GRK6: variants seen among roughly 807,000 people sequenced by gnomAD.
GRK6 encodes G protein-coupled receptor kinase 6.
In GRK6, 37 loss-of-function variants were observed where a neutral mutation model predicts 80.8. The observed-to-expected ratio is 0.46, with a 90% confidence interval of 0.35 to 0.60. The LOEUF is 0.60. Ranked by LOEUF, GRK6 falls within the 20% of genes least tolerant of loss-of-function variation. The pLI, the probability that GRK6 is intolerant of heterozygous loss-of-function variation, is 0.00. For missense variants in GRK6, 560 were observed against 784.6 expected, an observed-to-expected ratio of 0.71 and a Z score of 3.42; for synonymous variants, 295 against 320.9, an observed-to-expected ratio of 0.92 and a Z score of 0.86.
rs779697632 is a variant in GRK6 at position 177,430,022 on chromosome 5, T to A, written c.53-850T>A. On this transcript the variant is annotated intron_variant, in intron 1 of 15. Coordinates refer to ENST00000355472, the MANE Select transcript of GRK6 (RefSeq NM_001004106.3). ...ACACATTTTATTTGGCTGCAGTGAG[T>A]TTTTTTTTTTTTTTAAACAAAATGG... Among the ~76,000 whole-genome samples, 206 of 37,198 alleles carry A rather than the reference T, an allele frequency of 5.5e-3. 2 individuals carry two copies. Among genetic ancestry groups the A allele is most frequent in the African/African-American group, 0.022 (185 of 8,332 alleles). 24.4% of individuals were successfully genotyped at this position (37,198 alleles called of 152,430 possible).
intron 2 of GRK6, chr5:177,431,637 G>A: frequency 3.4e-6 from 1 of 290,268 alleles, no homozygotes; most frequent in Non-Finnish European, 6.6e-6. Flanking sequence ...AGCAGGTGTG[G>A]GCCTGGCCCC....
At position 177,428,037 on chromosome 5, in the gene GRK6, G is replaced by T. The variant is rs574385351; in HGVS notation, c.52+1140G>T. 6.6e-6 allele frequency among the ~76,000 whole-genome samples: 1 copy of T among 152,214 alleles called. No homozygotes were observed. Among genetic ancestry groups the T allele is most frequent in the Non-Finnish European group, 1.5e-5 (1 of 68,030 alleles). ...AGCTGGGTGCTACACCTGGCACCCC[G>T]TGCCCACCAAGTGCTCTGGCGAGGT... On this transcript the variant is annotated intron_variant, in intron 1 of 15. Coordinates refer to ENST00000355472, the MANE Select transcript of GRK6 (RefSeq NM_001004106.3). The surrounding 1 kb of genome is among the most constrained non-coding windows in gnomAD (Gnocchi z 4.1).
At chr5:177,435,194 C>G (rs1764088577) in intron 11 of GRK6, 73 bp downstream of exon 11, 3 of 1,115,400 alleles carry the variant, frequency 2.7e-6, no homozygotes, top group Non-Finnish European at 3.9e-6. Context: ...ACACCCACTT[C>G]TGTCTGGGAG....
intron 2 of GRK6, 82 bp downstream of exon 2, chr5:177,431,049 G>T: frequency 9.1e-7 from 1 of 1,104,246 alleles, no homozygotes; most frequent in South Asian, 1.4e-5. Context: ...ACCTTGCCCC[G>T]GAGCAGAGGG....
In GRK6 at chr5:177,433,946, C is replaced by A. The variant is rs966033174; in HGVS notation, c.771C>A (p.Asp257Glu). The change falls in exon 9 of 16, where the codon GAC (aspartate) becomes GAA (glutamate). Residue 257 changes from aspartate to glutamate, a missense_variant. Physicochemically the swap from Asp to Glu is conservative, Grantham distance 45. This residue lies in a region of GRK6 where 77 missense variants were observed against 156.9 expected (regional missense o/e 0.49). Coordinates refer to ENST00000355472, the MANE Select transcript of GRK6 (RefSeq NM_001004106.3). ...TGGCCTACGCCTATGAGACCAAGGA[C>A]GCGCTGTGCCTGGTGCTGACACTGA... ...VSLAYAYETK[D>E]ALCLVLTLMN... The A allele has an allele frequency of 1.2e-6, 2 of 1,601,800 alleles. No homozygotes were observed. The highest frequency in any genetic ancestry group is 1.7e-5 in the Admixed American group (1 of 59,004).
rs1467864998 is a variant in GRK6, at chr5:177,440,819, C to T, written c.1524C>T (p.Pro508=). Residue 508 remains proline, a synonymous_variant, in exon 14 of 16, where the codon CCC becomes CCT. Coordinates refer to ENST00000355472, the MANE Select transcript of GRK6 (RefSeq NM_001004106.3). ...FYQKFATGSV[P]IPWQNEMVET... The stretch of plus-strand genomic sequence containing the variant: ...AGAAGTTTGCCACAGGCAGTGTGCC[C>T]ATCCCCTGGCAGAACGAGGTGGGGG... The T allele has an allele frequency of 6.2e-7, 1 of 1,613,970 alleles. No homozygotes were observed. The highest frequency in any genetic ancestry group is 8.5e-7 in the Non-Finnish European group (1 of 1,180,028).
In GRK6 at chr5:177,433,670, G is replaced by A. The variant is rs1428963475; in HGVS notation, c.732G>A (p.Arg244=). ...AGATCCTGGAGAAAGTGAACAGTAG[G>A]TTTGTAGTAAGTACAGAAGGAGACT... ...EKQILEKVNS[R]FVVSLAYAYE... is the part of the protein sequence containing the mutation. Residue 244 remains arginine (R), a synonymous_variant, in exon 8 of 16, where the codon AGG becomes AGA. Coordinates refer to ENST00000355472, the MANE Select transcript of GRK6 (RefSeq NM_001004106.3). 1 of 1,614,066 alleles carries A rather than the reference G, an allele frequency of 6.2e-7. No individual in the cohort carries two copies. The highest frequency in any genetic ancestry group is 8.5e-7 in the Non-Finnish European group (1 of 1,180,004).
intron 1 of GRK6, 121 bp downstream of exon 1, chr5:177,427,018 C>T: frequency 2.2e-6 from 1 of 461,066 alleles, no homozygotes; most frequent in Non-Finnish European, 3.3e-6. Context: ...CGCCTTACAC[C>T]CCGCCCAGAC....
chr5:177,438,099 T>A (rs1364657757), intron 13 of GRK6, among the ~76,000 whole-genome samples: 1 of 152,136 alleles, frequency 6.6e-6, no homozygotes, highest in Non-Finnish European at 1.5e-5. Flanking sequence ...CTGGGTGCGG[T>A]GGCTCACGCT....
chr5:177,436,537 G>A lies in GRK6; in HGVS notation c.1404+7G>A. On this transcript the variant is annotated splice_region_variant and intron_variant, in intron 13 of 15. Coordinates refer to ENST00000355472, the MANE Select transcript of GRK6 (RefSeq NM_001004106.3). The stretch of plus-strand genomic sequence containing the variant: ...GCCGCCGTTCAAGCCTGACGTGAGT[G>A]CAGCCCACTCCTGCTGAGGGCGGGG... The A allele has an allele frequency of 6.3e-7, 1 of 1,577,902 alleles. No individual in the cohort carries two copies. The highest frequency in any genetic ancestry group is 1.8e-5 in the Admixed American group (1 of 57,098).
Position 177,433,364 on chromosome 5 carries a change from A to G in GRK6, c.551A>G (p.Asn184Ser). The G allele has an allele frequency of 1.2e-6, 2 of 1,613,868 alleles. No homozygotes were observed. Among genetic ancestry groups the G allele is most frequent in the Non-Finnish European group, 1.7e-6 (2 of 1,179,874 alleles). The stretch of plus-strand genomic sequence containing the variant: ...TGCCACAGGCAGCCAGTGACCAAAA[A>G]CACCTTCAGGCAATACCGAGTCCTG... ...KWLERQPVTK[N>S]TFRQYRVLGK... The change falls in exon 7 of 16, where the codon AAC becomes AGC. Residue 184 changes from asparagine to serine, a missense_variant. Physicochemically the swap from Asn to Ser is conservative, Grantham distance 46 (BLOSUM62 1). This residue lies in a region of GRK6 where 77 missense variants were observed against 156.9 expected (regional missense o/e 0.49). Transcript: ENST00000355472.
In GRK6 at chr5:177,436,381, C is replaced by T. The variant is rs1428506352; in HGVS notation, c.1267-12C>T. 3 of 1,461,832 alleles carry T rather than the reference C, an allele frequency of 2.1e-6. No homozygotes were observed. Among genetic ancestry groups the T allele is most frequent in the Non-Finnish European group, 2.8e-6 (3 of 1,084,256 alleles). The allele number at this position is 1,461,832 out of a possible 1,614,324, so 90.6% of individuals were successfully genotyped here. On this transcript the variant is annotated splice_polypyrimidine_tract_variant and intron_variant, in intron 12 of 15. Coordinates refer to ENST00000355472, the MANE Select transcript of GRK6 (RefSeq NM_001004106.3). Reference sequence around the variant, plus strand: ...CTGCCTGGCCTGCCTGGCCGACTCACCCCTGCCACAGCTCCTCTGCAAGGA... The same window carrying T: ...CTGCCTGGCCTGCCTGGCCGACTCATCCCTGCCACAGCTCCTCTGCAAGGA...
At chr5:177,433,458 G>A (rs1365685132) in intron 7 of GRK6, 48 bp downstream of exon 7, 1 of 1,611,040 alleles carries the variant, frequency 6.2e-7, no homozygotes. Flanking sequence ...GGGTGGGTGT[G>A]TTGGGACCTG....
rs1763742142 is a variant in GRK6 at position 177,428,101 on chromosome 5, C to G, written c.52+1204C>G. ...GGCATGGCAGGCTGGGTCCTCATTGCCTGGGGAGCCTGTCTTATCCCCTGT... is the reference window on the plus strand; with the variant it reads ...GGCATGGCAGGCTGGGTCCTCATTGGCTGGGGAGCCTGTCTTATCCCCTGT... On this transcript the variant is annotated intron_variant, in intron 1 of 15. Coordinates refer to ENST00000355472, the MANE Select transcript of GRK6 (RefSeq NM_001004106.3). This position sits in a 1 kb window ranked among gnomAD's most constrained non-coding sequence, Gnocchi z 4.1. 6.6e-6 allele frequency among the ~76,000 whole-genome samples: 1 copy of G among 152,230 alleles called. No individual in the cohort carries two copies. The highest frequency in any genetic ancestry group is 2.1e-4 in the South Asian group (1 of 4,838).
intron 13 of GRK6, 62 bp downstream of exon 13, chr5:177,436,592 TGTA>T: frequency 6.9e-7 from 1 of 1,458,454 alleles, no homozygotes; most frequent in Non-Finnish European, 9.2e-7. Context: ...CAGGGGCTCT[TGTA>T]GTATCAGCCA....
rs1324195703 is a variant in GRK6, at chr5:177,436,291, C to T, written c.1266+10C>T. 6.2e-7 allele frequency: 1 copy of T among 1,613,844 alleles called. No individual in the cohort carries two copies. Among genetic ancestry groups the T allele is most frequent in the South Asian group, 1.1e-5 (1 of 91,086 alleles). On this transcript the variant is annotated intron_variant, in intron 12 of 15. Transcript: ENST00000355472. ...CTCACTTTGCTCACAGGTACGGCAG[C>T]TCACAGAAGCCTGGCCAGCCAGGGC...
At chr5:177,426,923 G>T (rs774967727) in intron 1 of GRK6, 26 bp downstream of exon 1, 1 of 1,338,118 alleles carries the variant, frequency 7.5e-7, no homozygotes, top group Non-Finnish European at 9.6e-7. Flanking sequence ...GGGCGGCCGG[G>T]CCCGGGTGCG....
In GRK6 at chr5:177,439,111, G is replaced by A. The variant is rs1055753715; in HGVS notation, c.1405-1589G>A. 3.9e-5 allele frequency among the ~76,000 whole-genome samples: 6 copies of A among 152,162 alleles called. No homozygotes were observed. In the South Asian group the frequency reaches 6.2e-4, roughly 16 times the overall value. ...GCCTCTGGATCTTCCATTCAAAGTC[G>A]GAGATAAAATCAGTGCCCTGGAGTT... On this transcript the variant is annotated intron_variant, in intron 13 of 15. Transcript: ENST00000355472.
chr5:177,441,229 TC>T, intron 15 of GRK6, 176 bp downstream of exon 15: 1 of 1,545,312 alleles, frequency 6.5e-7, no homozygotes, highest in South Asian at 1.2e-5. Flanking sequence ...GCTCATGGCC[TC>T]TTTTCTCTTT....
Sources: allele counts gnomAD v4.1 joint callset (sites outside exome capture counted in the v4.1 genomes callset), GRCh38; gene constraint gnomAD v4.1.1; regional missense constraint gnomAD v4.1.1; non-coding constraint Gnocchi (gnomAD v3.1); transcripts MANE v1.5; gene names NCBI Gene and HGNC (gene_info 2026-07-23, HGNC 2026-07-21).